The following SORBS2 variants were observed in gnomAD, a reference collection of about 807,000 sequenced individuals.
The protein encoded by SORBS2 is sorbin and SH3 domain containing 2, also known as sorbin and SH3 domain-containing protein 2.
Under a neutral mutation model 97.7 loss-of-function variants are expected in SORBS2, and 46 were observed. The ratio of observed to expected loss-of-function variants is 0.47; its 90% CI spans 0.37 to 0.60. The LOEUF is 0.60. SORBS2 is among the 20% of genes least tolerant of loss of function. The pLI, the probability that SORBS2 is intolerant of heterozygous loss-of-function variation, is 0.00. For synonymous variants in SORBS2, 476 were observed against 473.4 expected (o/e 1.01, Z -0.07); for missense variants, 1,316 against 1,282.3 (o/e 1.03, Z -0.40).
intron 1 of SORBS2, among the ~76,000 whole-genome samples, chr4:185,847,955 G>A (rs1561231253): frequency 1.3e-5 from 2 of 152,152 alleles, no homozygotes; most frequent in Non-Finnish European, 1.5e-5. Flanking sequence ...CATTCATGCC[G>A]AGTCGCAGGG....
chr4:185,746,133 C>T (rs572478769), intron 2 of SORBS2, among the ~76,000 whole-genome samples: 2 of 152,280 alleles, frequency 1.3e-5, no homozygotes, highest in East Asian at 3.9e-4. Context: ...TTCTCTGCGC[C>T]TCTGGGACTT....
chr4:185,635,391 G>A (rs2096978859), intron 4 of SORBS2: 1 of 1,613,844 alleles, frequency 6.2e-7, no homozygotes, highest in African/African-American at 1.3e-5. Context: ...CTTGAACATA[G>A]TCCAGAGGCT....
chr4:185,766,995 T>C (rs988799143), intron 2 of SORBS2, among the ~76,000 whole-genome samples: 3 of 152,208 alleles, frequency 2.0e-5, no homozygotes, highest in Non-Finnish European at 2.9e-5. Flanking sequence ...GTCAATTTCC[T>C]AACTCGATTC....
chr4:185,846,645 G>GT (rs1268939384), intron 1 of SORBS2, among the ~76,000 whole-genome samples: 1 of 152,200 alleles, frequency 6.6e-6, no homozygotes, highest in Non-Finnish European at 1.5e-5. Flanking sequence ...AATTTCACTG[G>GT]TAAAGCCTGA....
intron 1 of SORBS2, among the ~76,000 whole-genome samples, chr4:185,841,320 TGGG>T (rs1308427588): frequency 6.6e-6 from 1 of 152,026 alleles, no homozygotes; most frequent in Non-Finnish European, 1.5e-5. Context: ...AGGCAAAGGT[TGGG>T]GGGAGATTAG....
At chr4:185,796,947 G>A (rs1160540133) in intron 1 of SORBS2, among the ~76,000 whole-genome samples, 1 of 150,474 alleles carries the variant, frequency 6.6e-6, no homozygotes, top group African/African-American at 2.5e-5. Context: ...GTAGGGCTGG[G>A]CATGCCTGGG....
At chr4:185,785,730 C>T (rs571723466) in intron 1 of SORBS2, among the ~76,000 whole-genome samples, 1 of 152,200 alleles carries the variant, frequency 6.6e-6, no homozygotes, top group Admixed American at 6.5e-5. Flanking sequence ...TCACAGGAGG[C>T]CCTCCCCACG....
intron 5 of SORBS2, among the ~76,000 whole-genome samples, chr4:185,628,561 G>A (rs569234966): frequency 6.6e-6 from 1 of 152,310 alleles, no homozygotes; most frequent in East Asian, 1.9e-4. Context: ...AGACCAGCCT[G>A]GACAACCTAG....
intron 1 of SORBS2, among the ~76,000 whole-genome samples, chr4:185,893,943 A>G (rs2310372): frequency 0.23 from 35,640 of 151,966 alleles, 4,699 homozygotes; most frequent in East Asian, 0.54. Context: ...CCTTTCCTAG[A>G]TCCGGATGAG....
chr4:185,600,240 A>G (rs754456846), intron 12 of SORBS2, among the ~76,000 whole-genome samples: 32 of 152,246 alleles, frequency 2.1e-4, no homozygotes, highest in Non-Finnish European at 2.9e-5. Context: ...ACCAGCTGCC[A>G]TCTTAACATG....
At chr4:185,605,542 C>T (rs939517104) in intron 12 of SORBS2, among the ~76,000 whole-genome samples, 1 of 151,570 alleles carries the variant, frequency 6.6e-6, no homozygotes, top group African/African-American at 2.4e-5. Flanking sequence ...CCTTGGGCTC[C>T]CAAAGTGCTG....
Position 185,912,130 on chromosome 4 carries a change from T to C in SORBS2, c.-338+44066A>G, listed in dbSNP as rs117275026. On this transcript the variant is annotated intron_variant, in intron 1 of 20. Transcript: ENST00000284776. ...CACAAAATGCATGTTTAAATAACCC[T>C]AAAAAACTCTTTCAGTAAGTGTAGT... Among the ~76,000 whole-genome samples, 879 of 152,328 alleles carry C rather than the reference T, an allele frequency of 5.8e-3. 15 individuals carry two copies. Among genetic ancestry groups the C allele is most frequent in the Admixed American group, 0.031 (477 of 15,306 alleles).
intron 1 of SORBS2, among the ~76,000 whole-genome samples, chr4:185,776,449 G>A (rs1011093803): frequency 5.3e-5 from 8 of 152,002 alleles, no homozygotes; most frequent in Admixed American, 4.6e-4. Flanking sequence ...TTTCTACCAA[G>A]GAAGCAGTTA....
intron 2 of SORBS2, among the ~76,000 whole-genome samples, chr4:185,719,518 G>A (rs1396950454): frequency 3.9e-5 from 6 of 152,190 alleles, no homozygotes; most frequent in Non-Finnish European, 8.8e-5. Context: ...TAGACTGAAT[G>A]TGGGGAAAAG....
At chr4:185,923,842 G>T (rs2099262208) in intron 1 of SORBS2, among the ~76,000 whole-genome samples, 3 of 152,026 alleles carry the variant, frequency 2.0e-5, no homozygotes, top group African/African-American at 7.2e-5. Flanking sequence ...TTATTTAAAA[G>T]AACTAAAGAA....
intron 2 of SORBS2, among the ~76,000 whole-genome samples, chr4:185,683,329 T>C (rs752976929): frequency 1.3e-5 from 2 of 152,174 alleles, no homozygotes; most frequent in Non-Finnish European, 2.9e-5. Flanking sequence ...ACTCTCCACA[T>C]GGGCACTGTG....
At chr4:185,903,704 T>C (rs1416610296) in intron 1 of SORBS2, among the ~76,000 whole-genome samples, 1 of 152,208 alleles carries the variant, frequency 6.6e-6, no homozygotes, top group South Asian at 2.1e-4. Context: ...AGGATAACGA[T>C]GGAATGGCCT....
At chr4:185,896,324 C>T (rs1449249927) in intron 1 of SORBS2, among the ~76,000 whole-genome samples, 1 of 152,202 alleles carries the variant, frequency 6.6e-6, no homozygotes, top group Non-Finnish European at 1.5e-5. Flanking sequence ...TGGCTGACGC[C>T]TGTAATGCCA....
At chr4:185,723,087 T>C (rs1050177167) in intron 2 of SORBS2, among the ~76,000 whole-genome samples, 1 of 152,234 alleles carries the variant, frequency 6.6e-6, no homozygotes, top group South Asian at 2.1e-4. Flanking sequence ...CTCAGAAAGT[T>C]ATTTGTAAAT....
Sources: gnomAD v4.1 joint callset for allele counts (sites outside exome capture counted in the v4.1 genomes callset) on GRCh38, gnomAD v4.1.1 for gene constraint, MANE v1.5 for transcripts, NCBI Gene and HGNC (gene_info 2026-07-23, HGNC 2026-07-21) for gene names.